Variants in ABCG1 observed in about 807,000 individuals in gnomAD.
ABCG1 encodes ATP binding cassette subfamily G member 1.
ABCG1 carries 29 observed loss-of-function variants against 69.2 expected under a neutral mutation model. The ratio of observed to expected loss-of-function variants is 0.42; its 90% CI spans 0.31 to 0.57. ABCG1 has a LOEUF of 0.57. ABCG1 is among the 20% of genes least tolerant of loss of function. The pLI, the probability that ABCG1 is intolerant of heterozygous loss-of-function variation, is 0.15. For missense variants in ABCG1, 718 were observed against 898.1 expected, an observed-to-expected ratio of 0.80 and a Z score of 2.56; for synonymous variants, 370 against 374.8, an observed-to-expected ratio of 0.99 and a Z score of 0.15.
intron 2 of ABCG1, among the ~76,000 whole-genome samples, chr21:42,270,528 C>T (rs549570473): frequency 4.5e-4 from 69 of 151,914 alleles, no homozygotes; most frequent in African/African-American, 1.6e-3. Flanking sequence ...ATTATTTAAT[C>T]ATATGTTGAT....
intron 5 of ABCG1, among the ~76,000 whole-genome samples, chr21:42,279,067 C>T (rs982559373): frequency 3.3e-5 from 5 of 152,134 alleles, no homozygotes; most frequent in South Asian, 2.1e-4. Context: ...TCCCATCCCC[C>T]GGCCTCCCTG....
chr21:42,222,365 G>A (rs1273926679), intron 1 of ABCG1, among the ~76,000 whole-genome samples: 1 of 152,194 alleles, frequency 6.6e-6, no homozygotes, highest in Non-Finnish European at 1.5e-5. Flanking sequence ...AGACGCTGTG[G>A]AGGAAAGGTG....
chr21:42,203,890 T>C (rs930238361), intron 2 of ABCG1, among the ~76,000 whole-genome samples: 2 of 152,250 alleles, frequency 1.3e-5, no homozygotes, highest in African/African-American at 2.4e-5. Context: ...AGTATTTCTC[T>C]CCTTTTTTCT....
chr21:42,282,931 C>T (rs552468617), intron 6 of ABCG1, among the ~76,000 whole-genome samples: 2 of 152,256 alleles, frequency 1.3e-5, no homozygotes, highest in South Asian at 2.1e-4. Flanking sequence ...CTCTCTATAC[C>T]CACGGGCGCT....
intron 8 of ABCG1, 132 bp downstream of exon 8, chr21:42,286,126 A>C (rs2068936150): frequency 3.0e-6 from 2 of 670,400 alleles, no homozygotes; most frequent in Non-Finnish European, 5.2e-6. Context: ...ATCCAGTTAT[A>C]AAACGTTTAA....
intron 2 of ABCG1, among the ~76,000 whole-genome samples, chr21:42,259,755 A>T (rs1452184627): frequency 6.6e-6 from 1 of 152,256 alleles, no homozygotes. Flanking sequence ...CAGATTTGCC[A>T]CTTGCCACAG....
chr21:42,261,598 C>T (rs970538057), intron 2 of ABCG1, among the ~76,000 whole-genome samples: 1 of 152,196 alleles, frequency 6.6e-6, no homozygotes, highest in Non-Finnish European at 1.5e-5. Context: ...TCGGGGACTG[C>T]CCGCTTGTGA....
intron 14 of ABCG1, among the ~76,000 whole-genome samples, chr21:42,295,770 G>A (rs2069196407): frequency 6.6e-6 from 1 of 152,188 alleles, no homozygotes; most frequent in Admixed American, 6.5e-5. Flanking sequence ...CAGAGGGAGA[G>A]AGGGGGCAGG....
At chr21:42,284,460 C>T in intron 6 of ABCG1, 100 bp from the exon 7 acceptor site, 1 of 1,441,296 alleles carries the variant, frequency 6.9e-7, no homozygotes, top group Non-Finnish European at 9.3e-7. Flanking sequence ...GCCCCTGATG[C>T]CAAGCCCTCT....
intron 2 of ABCG1, among the ~76,000 whole-genome samples, chr21:42,254,346 G>T (rs185499601): frequency 2.5e-4 from 38 of 152,200 alleles, no homozygotes; most frequent in Non-Finnish European, 4.0e-4. Context: ...TTCTCCTGGC[G>T]CCAGAGTGGG....
At chr21:42,243,576 G>A (rs1241220639) in intron 2 of ABCG1, among the ~76,000 whole-genome samples, 1 of 151,686 alleles carries the variant, frequency 6.6e-6, no homozygotes, top group Non-Finnish European at 1.5e-5. Context: ...GCTGCAGTAA[G>A]ATTGTCATGA....
At chr21:42,202,992 T>G (rs529902797) in intron 2 of ABCG1, among the ~76,000 whole-genome samples, 1 of 152,146 alleles carries the variant, frequency 6.6e-6, no homozygotes, top group Non-Finnish European at 1.5e-5. Context: ...TGGAACAGAA[T>G]AGAAAACCCA....
upstream of ABCG1, among the ~76,000 whole-genome samples, chr21:42,215,467 A>G (rs2067629851): frequency 6.6e-6 from 1 of 152,122 alleles, no homozygotes; most frequent in African/African-American, 2.4e-5. Context: ...ACTTCCATTG[A>G]CTCCACTCGA....
At chr21:42,258,845 G>C (rs2068355789) in intron 2 of ABCG1, among the ~76,000 whole-genome samples, 1 of 152,220 alleles carries the variant, frequency 6.6e-6, no homozygotes, top group African/African-American at 2.4e-5. Context: ...TCCCTAATTA[G>C]GAGGGCACAG....
At position 42,296,356 on chromosome 21, in the gene ABCG1, T is replaced by C; in HGVS notation, c.1965T>C (p.Tyr655=). 6.2e-7 allele frequency: 1 copy of C among 1,614,104 alleles called. No homozygotes were observed. The highest frequency in any genetic ancestry group is 2.2e-5 in the East Asian group (1 of 44,876). ...IFFISLRLIA[Y]FVLRYKIRAE... ...TCATCTCCCTCCGCCTCATTGCCTA[T>C]TTTGTCCTCAGGTACAAAATCCGGG... is the stretch of plus-strand genomic sequence containing the variant. The change falls in exon 15 of 15, where the codon TAT becomes TAC. Residue 655 remains tyrosine, a synonymous_variant. Transcript: ENST00000398449. This position sits in a 1 kb window ranked among gnomAD's most constrained non-coding sequence, Gnocchi z 5.4.
chr21:42,206,351 A>AAAATAAGTAAAT (rs2067542100), intron 2 of ABCG1, among the ~76,000 whole-genome samples: 1 of 149,036 alleles, frequency 6.7e-6, no homozygotes, highest in African/African-American at 2.5e-5. Flanking sequence ...CTCTGTCTCA[A>AAAATAAGTAAAT]AAATAAATAA....
intron 14 of ABCG1, among the ~76,000 whole-genome samples, chr21:42,295,800 C>G (rs1029500611): frequency 1.3e-5 from 2 of 152,196 alleles, no homozygotes; most frequent in African/African-American, 2.4e-5. Flanking sequence ...TATAAATGCT[C>G]TCAAGTCCTT....
intron 2 of ABCG1, among the ~76,000 whole-genome samples, chr21:42,242,717 C>T (rs1184821649): frequency 6.6e-6 from 1 of 152,180 alleles, no homozygotes; most frequent in East Asian, 1.9e-4. Flanking sequence ...CTTTCCACAT[C>T]CCAGTCCTTT....
Position 42,219,910 on chromosome 21 carries a change from C to A in ABCG1, c.42+606C>A, listed in dbSNP as rs1601343680. On this transcript the variant is annotated intron_variant, in intron 1 of 14. Transcript: ENST00000398449. The surrounding 1 kb of genome is among the most constrained non-coding windows in gnomAD (Gnocchi z 5.3). ...CCCGGGGAGACCCGCGAGGGGCAAG[C>A]CCGGATTCCTGCCGGCCGCCTTTCT... 6.5e-7 allele frequency: 1 copy of A among 1,549,010 alleles called. No individual in the cohort carries two copies. Among genetic ancestry groups the A allele is most frequent in the Non-Finnish European group, 8.7e-7 (1 of 1,146,400 alleles).
Sources: gnomAD v4.1 joint callset for allele counts (sites outside exome capture counted in the v4.1 genomes callset) on GRCh38, gnomAD v4.1.1 for gene constraint, Gnocchi (gnomAD v3.1) non-coding constraint, MANE v1.5 for transcripts, NCBI Gene and HGNC (gene_info 2026-07-23, HGNC 2026-07-21) for gene names.